CALN1: variants seen among roughly 807,000 people sequenced by gnomAD.
The protein encoded by CALN1 is calcium-binding protein 8.
A neutral mutation model predicts 30.6 loss-of-function variants in CALN1; 17 were observed. That is an observed-to-expected ratio of 0.56 (90% confidence interval 0.38 to 0.83). CALN1 has a LOEUF of 0.83. CALN1 is among the 40% of genes least tolerant of loss of function. The pLI is 0.00. For missense variants in CALN1, 291 were observed against 354.9 expected (o/e 0.82, Z 1.45); for synonymous variants, 156 against 131.4 (o/e 1.19, Z -1.28).
intron 5 of CALN1, among the ~76,000 whole-genome samples, chr7:71,963,724 T>TA (rs145075230): frequency 0.021 from 3,145 of 152,344 alleles, 94 homozygotes; most frequent in African/African-American, 0.069. Context: ...CTGATACATG[T>TA]ACTGCAATAA....
At chr7:72,269,594 AC>A (rs1256468325) in intron 3 of CALN1, among the ~76,000 whole-genome samples, 1 of 152,182 alleles carries the variant, frequency 6.6e-6, no homozygotes, top group Non-Finnish European at 1.5e-5. Flanking sequence ...CACTAGAAAG[AC>A]CACCTCTTAA....
intron 5 of CALN1, among the ~76,000 whole-genome samples, chr7:72,009,199 C>G (rs1799938519): frequency 6.6e-6 from 1 of 152,068 alleles, no homozygotes; most frequent in Non-Finnish European, 1.5e-5. Flanking sequence ...TATTATACAT[C>G]ACAGAAAATA....
At chr7:72,411,839 T>C (rs1176914634) in intron 1 of CALN1, among the ~76,000 whole-genome samples, 1 of 152,244 alleles carries the variant, frequency 6.6e-6, no homozygotes, top group Non-Finnish European at 1.5e-5. Flanking sequence ...TCCTGCTTTT[T>C]CCATACAGAT....
intron 2 of CALN1, among the ~76,000 whole-genome samples, chr7:72,372,192 T>A (rs950099970): frequency 2.6e-5 from 4 of 152,164 alleles, no homozygotes; most frequent in African/African-American, 9.6e-5. Flanking sequence ...ATCTTGCACC[T>A]CAGCCCCCAA....
chr7:72,106,580 G>A (rs547576165), intron 3 of CALN1, among the ~76,000 whole-genome samples: 1 of 148,652 alleles, frequency 6.7e-6, no homozygotes, highest in South Asian at 2.2e-4. Context: ...AAAGAGGAAG[G>A]TGGAAGGGAG....
At chr7:72,300,714 A>T (rs925647190) in intron 2 of CALN1, among the ~76,000 whole-genome samples, 3 of 152,162 alleles carry the variant, frequency 2.0e-5, no homozygotes, top group African/African-American at 4.8e-5. Flanking sequence ...ATTTATAGCC[A>T]GTCACGGTGG....
chr7:72,430,597 T>C (rs914071368), intron 1 of CALN1, among the ~76,000 whole-genome samples: 1 of 152,290 alleles, frequency 6.6e-6, no homozygotes, highest in South Asian at 2.1e-4. Flanking sequence ...CTTCTCAGCC[T>C]GCTCACACAC....
chr7:72,262,183 A>G (rs1024529558), intron 3 of CALN1, among the ~76,000 whole-genome samples: 2 of 152,174 alleles, frequency 1.3e-5, no homozygotes, highest in African/African-American at 2.4e-5. Context: ...TACCCAAGGA[A>G]TAAGTATTAT....
intron 5 of CALN1, among the ~76,000 whole-genome samples, chr7:71,912,285 T>C (rs1450529341): frequency 6.6e-6 from 1 of 151,968 alleles, no homozygotes. Flanking sequence ...CCAGAGCCCT[T>C]GTTCAGTTCC....
intron 4 of CALN1, among the ~76,000 whole-genome samples, chr7:72,057,360 T>TA (rs1385193802): frequency 6.8e-6 from 1 of 147,814 alleles, no homozygotes; most frequent in African/African-American, 2.5e-5. Context: ...GGCATTTAGA[T>TA]AAAAAGTTCC....
At chr7:72,230,382 C>T (rs1794010885) in intron 3 of CALN1, among the ~76,000 whole-genome samples, 1 of 145,136 alleles carries the variant, frequency 6.9e-6, no homozygotes, top group African/African-American at 2.6e-5. Flanking sequence ...TAGCATACAC[C>T]TGCAGTTCCA....
intron 3 of CALN1, among the ~76,000 whole-genome samples, chr7:72,256,406 A>C (rs28464924): frequency 6.6e-6 from 1 of 151,988 alleles, no homozygotes; most frequent in Non-Finnish European, 1.5e-5. Flanking sequence ...GCTGCTGTGA[A>C]CTATGATCAT....
intron 3 of CALN1, among the ~76,000 whole-genome samples, chr7:72,211,993 C>T (rs1246465692): frequency 2.6e-5 from 4 of 152,202 alleles, no homozygotes; most frequent in South Asian, 2.1e-4. Context: ...GATGAATAAC[C>T]GTTTTTTATG....
At position 71,965,533 on chromosome 7, in the gene CALN1, G is replaced by T. The variant is rs1006572638; in HGVS notation, c.501+58124C>A. On this transcript the variant is annotated intron_variant, in intron 5 of 6. Transcript: ENST00000395275. ...ATAGGTATCTCATTCATTCTACAAA[G>T]AAGGGCTTCAGAGCTGCTATTTGAA... Among the ~76,000 whole-genome samples, 5 of 152,124 alleles carry T rather than the reference G, an allele frequency of 3.3e-5. No homozygotes were observed. In the East Asian group the frequency reaches 7.7e-4, roughly 23 times the overall value.
At chr7:71,824,673 A>C (rs1370321456) in intron 5 of CALN1, among the ~76,000 whole-genome samples, 6 of 152,262 alleles carry the variant, frequency 3.9e-5, no homozygotes, top group Non-Finnish European at 2.9e-5. Context: ...ATTTGATGAC[A>C]CAGTTCTTTC....
intron 5 of CALN1, among the ~76,000 whole-genome samples, chr7:71,897,871 G>A (rs904978688): frequency 2.7e-5 from 4 of 147,322 alleles, no homozygotes; most frequent in South Asian, 4.3e-4. Flanking sequence ...ATCAGACACA[G>A]ACTGTAAAGC....
At chr7:72,163,945 G>A (rs1055410856) in intron 3 of CALN1, among the ~76,000 whole-genome samples, 4 of 151,756 alleles carry the variant, frequency 2.6e-5, no homozygotes, top group Admixed American at 2.6e-4. Context: ...CAAAAAGAAA[G>A]AAGAAAGAAA....
In CALN1 at chr7:72,172,812, T is replaced by C. The variant is rs141785855; in HGVS notation, c.245-66518A>G. 3.3e-3 allele frequency among the ~76,000 whole-genome samples: 507 copies of C among 152,280 alleles called. 4 individuals are homozygous for C. The highest frequency in any genetic ancestry group is 0.01 in the African/African-American group (418 of 41,548). On this transcript the variant is annotated intron_variant, in intron 3 of 6. Transcript: ENST00000395275. Reference sequence around the variant, plus strand: ...TTCCTCAGTCTGATAAAATCTGTTATATATGAAAGACCTGTATCTCACATC... The same window carrying C: ...TTCCTCAGTCTGATAAAATCTGTTACATATGAAAGACCTGTATCTCACATC...
intron 3 of CALN1, among the ~76,000 whole-genome samples, chr7:72,110,258 A>G (rs1459626589): frequency 6.6e-6 from 1 of 152,102 alleles, no homozygotes; most frequent in African/African-American, 2.4e-5. Flanking sequence ...GGTGTTTGAG[A>G]ACATGGCCTG....
Sources: gnomAD v4.1 joint callset for allele counts (sites outside exome capture counted in the v4.1 genomes callset) on GRCh38, gnomAD v4.1.1 for gene constraint, MANE v1.5 for transcripts, NCBI Gene and HGNC (gene_info 2026-07-23, HGNC 2026-07-21) for gene names.